Variants in KTN1 observed in about 807,000 individuals in gnomAD.
KTN1 encodes kinectin 1, also known as kinectin.
Under a neutral mutation model 222.5 loss-of-function variants are expected in KTN1, and 130 were observed. The ratio of observed to expected loss-of-function variants is 0.58; its 90% CI spans 0.51 to 0.68. The LOEUF is 0.68. Ranked by LOEUF, KTN1 falls within the 30% of genes least tolerant of loss-of-function variation. The pLI is 0.00. For missense variants in KTN1, 1,508 were observed against 1,500.4 expected (o/e 1.01, Z -0.08); for synonymous variants, 512 against 496.3 (o/e 1.03, Z -0.42).
intron 25 of KTN1, 127 bp downstream of exon 25, chr14:55,652,054 A>G: frequency 4.7e-6 from 3 of 632,064 alleles, no homozygotes; most frequent in Admixed American, 3.4e-5. Context: ...TGATTATCTC[A>G]AAACTCCTAA....
At chr14:55,631,056 A>G (rs1429207694) in intron 7 of KTN1, among the ~76,000 whole-genome samples, 3 of 151,748 alleles carry the variant, frequency 2.0e-5, no homozygotes, top group East Asian at 3.9e-4. Flanking sequence ...TGTCTTTTGT[A>G]TATATTTTCC....
At chr14:55,606,796 C>A (rs1566693426) in intron 1 of KTN1, among the ~76,000 whole-genome samples, 1 of 152,082 alleles carries the variant, frequency 6.6e-6, no homozygotes, top group African/African-American at 2.4e-5. Flanking sequence ...ATTAACCAAA[C>A]AGTAAAATGT....
chr14:55,656,805 T>G (rs1449233221), intron 29 of KTN1, among the ~76,000 whole-genome samples: 1 of 152,104 alleles, frequency 6.6e-6, no homozygotes, highest in Non-Finnish European at 1.5e-5. Flanking sequence ...GATGGATACC[T>G]AGATTATTTA....
At chr14:55,645,304 G>T (rs2042182211) in intron 18 of KTN1, among the ~76,000 whole-genome samples, 1 of 152,184 alleles carries the variant, frequency 6.6e-6, no homozygotes, top group South Asian at 2.1e-4. Context: ...ATACAGGAAG[G>T]ATGTAAGGAG....
At chr14:55,661,354 A>G in intron 31 of KTN1, 168 bp from the exon 32 acceptor site, 1 of 470,720 alleles carries the variant, frequency 2.1e-6, no homozygotes, top group Non-Finnish European at 3.8e-6. Flanking sequence ...TCTGAAATTC[A>G]TAGGATGGGC....
At chr14:55,661,370 A>G (rs1362471393) in intron 31 of KTN1, 152 bp from the exon 32 acceptor site, 11 of 491,422 alleles carry the variant, frequency 2.2e-5, no homozygotes, top group Non-Finnish European at 4.0e-5. Flanking sequence ...TGGGCTTTGT[A>G]TGGTCAACAG....
At chr14:55,667,074 G>T (rs916902447) in intron 33 of KTN1, among the ~76,000 whole-genome samples, 167 bp from the exon 34 acceptor site, 1 of 151,732 alleles carries the variant, frequency 6.6e-6, no homozygotes, top group African/African-American at 2.4e-5. Context: ...TCTTATGGGA[G>T]CATTTTAATA....
intron 32 of KTN1, chr14:55,661,839 G>A: frequency 3.2e-6 from 1 of 314,466 alleles, no homozygotes; most frequent in Non-Finnish European, 5.7e-6. Flanking sequence ...TTTAAATGTT[G>A]AAGCTATAAT....
At chr14:55,676,075 A>G (rs1419590826) in intron 41 of KTN1, among the ~76,000 whole-genome samples, 157 bp downstream of exon 41, 1 of 152,192 alleles carries the variant, frequency 6.6e-6, no homozygotes, top group African/African-American at 2.4e-5. Context: ...GTATTTTGGA[A>G]TGAAACGTTT....
At chr14:55,601,924 ACAGGGTTTTAT>A (rs2036028522) in intron 1 of KTN1, 2 of 152,074 alleles carry the variant, frequency 1.3e-5, no homozygotes, top group South Asian at 4.2e-4. Flanking sequence ...TTCGGTAGAG[ACAGGGTTTTAT>A]CATGTTGGCC....
At chr14:55,633,969 G>C (rs1444587929) in intron 8 of KTN1, among the ~76,000 whole-genome samples, 1 of 152,018 alleles carries the variant, frequency 6.6e-6, no homozygotes, top group Non-Finnish European at 1.5e-5. Flanking sequence ...TGAAACCCCT[G>C]TCTCTACTAA....
chr14:55,626,119 A>G (rs1052877745), intron 5 of KTN1, among the ~76,000 whole-genome samples: 33 of 152,072 alleles, frequency 2.2e-4, no homozygotes, highest in Non-Finnish European at 1.5e-5. Context: ...GTTATATATA[A>G]TGTTCTTGAA....
intron 3 of KTN1, 25 bp from the exon 4 acceptor site, chr14:55,617,939 T>C: frequency 2.2e-5 from 33 of 1,515,596 alleles, no homozygotes; most frequent in Non-Finnish European, 2.7e-5. Context: ...ATTCTAATTA[T>C]GATTTTGTTG....
rs564885848 is a variant in KTN1 at position 55,647,023 on chromosome 14, T to A, written c.2207+16T>A. ...TGGAAAAATGGTAAGAGTTTAGTTT[T>A]CTTTTTATATTTTGATGAGTTACTT... On this transcript the variant is annotated intron_variant, in intron 19 of 43. Coordinates refer to ENST00000395314, the MANE Select transcript of KTN1 (RefSeq NM_001079521.2). 5 of 1,438,216 alleles carry A rather than the reference T, an allele frequency of 3.5e-6. No homozygotes were observed. Among genetic ancestry groups the A allele is most frequent in the Non-Finnish European group, 4.9e-6 (5 of 1,024,752 alleles). 89.1% of individuals were successfully genotyped at this position (1,438,216 alleles called of 1,614,324 possible).
chr14:55,604,078 T>G (rs911577523), intron 1 of KTN1, among the ~76,000 whole-genome samples: 5 of 152,174 alleles, frequency 3.3e-5, no homozygotes, highest in Non-Finnish European at 7.3e-5. Context: ...TCCAGTAGTT[T>G]TCCCATATTA....
At chr14:55,672,876 T>A in intron 38 of KTN1, 53 bp from the exon 39 acceptor site, 2 of 1,422,916 alleles carry the variant, frequency 1.4e-6, no homozygotes, top group South Asian at 2.3e-5. Flanking sequence ...TGTGGGGAAA[T>A]ATTATGAAAG....
Position 55,671,868 on chromosome 14 carries a change from T to A in KTN1, c.3522T>A (p.Thr1174=). The change falls in exon 37 of 44, where the codon ACT becomes ACA. Residue 1174 remains threonine, a synonymous_variant. Coordinates refer to ENST00000395314, the MANE Select transcript of KTN1 (RefSeq NM_001079521.2). The stretch of plus-strand genomic sequence containing the variant: ...TTAAGGTCGATGAATCACACAAGAC[T>A]ATTAAACAGGTATTTACAAAAGAAA... The part of the protein sequence containing the change: ...WKVKVDESHK[T]IKQMQSSFTS... 3 of 1,567,880 alleles carry A rather than the reference T, an allele frequency of 1.9e-6. No individual in the cohort carries two copies. The highest frequency in any genetic ancestry group is 2.6e-6 in the Non-Finnish European group (3 of 1,138,212).
chr14:55,595,393 T>C (rs2034852496), intron 1 of KTN1, among the ~76,000 whole-genome samples: 1 of 152,246 alleles, frequency 6.6e-6, no homozygotes, highest in African/African-American at 2.4e-5. Flanking sequence ...TGTAGTAGAC[T>C]TAGTAATGTG....
At chr14:55,590,427 G>T (rs541634501) in intron 1 of KTN1, among the ~76,000 whole-genome samples, 1 of 152,150 alleles carries the variant, frequency 6.6e-6, no homozygotes, top group African/African-American at 2.4e-5. Flanking sequence ...AAGAGTACGT[G>T]TAAGATATAA....
Sources: allele counts gnomAD v4.1 joint callset (sites outside exome capture counted in the v4.1 genomes callset), GRCh38; gene constraint gnomAD v4.1.1; transcripts MANE v1.5; gene names NCBI Gene and HGNC (gene_info 2026-07-23, HGNC 2026-07-21).